The following TMEM116 variants were observed in gnomAD, a reference collection of about 807,000 sequenced individuals.
TMEM116 encodes transmembrane protein 116.
Under a neutral mutation model 44.3 loss-of-function variants are expected in TMEM116, and 38 were observed. The ratio of observed to expected loss-of-function variants is 0.86; its 90% CI spans 0.66 to 1.12. The LOEUF (loss-of-function observed/expected upper bound fraction) is 1.12, where lower values mean the gene tolerates loss of function less well. Among genes scored for constraint, TMEM116 ranks in the 50% most tolerant of loss-of-function variants. The pLI is 0.00. For synonymous variants in TMEM116, 132 were observed against 144.8 expected, an observed-to-expected ratio of 0.91 and a Z score of 0.64; for missense variants, 354 against 401.7, an observed-to-expected ratio of 0.88 and a Z score of 1.01.
chr12:111,940,498 C>CAT (rs1385809809), intron 5 of TMEM116, among the ~76,000 whole-genome samples: 1 of 118,896 alleles, frequency 8.4e-6, no homozygotes. Flanking sequence ...CACACACACA[C>CAT]ATATATATAC....
intron 4 of TMEM116, among the ~76,000 whole-genome samples, chr12:111,957,127 C>T (rs1335342536): frequency 2.7e-5 from 4 of 150,640 alleles, no homozygotes; most frequent in Non-Finnish European, 5.9e-5. Context: ...CCCGGCCGCC[C>T]AGTCTGGGAA....
intron 1 of TMEM116, among the ~76,000 whole-genome samples, chr12:112,008,195 A>C (rs1352606286): frequency 6.6e-6 from 1 of 152,168 alleles, no homozygotes; most frequent in Non-Finnish European, 1.5e-5. Context: ...TTAAAAAGAA[A>C]AAAAAGGCTG....
chr12:111,934,097 T>C (rs1346128708), intron 8 of TMEM116, 67 bp from the exon 9 acceptor site: 1 of 1,520,894 alleles, frequency 6.6e-7, no homozygotes, highest in Non-Finnish European at 8.9e-7. Flanking sequence ...TCTATCCTCC[T>C]ATCATTTTAA....
chr12:111,990,363 C>T (rs1309172120), intron 4 of TMEM116, among the ~76,000 whole-genome samples: 1 of 152,008 alleles, frequency 6.6e-6, no homozygotes, highest in Non-Finnish European at 1.5e-5. Flanking sequence ...AGATTAGGTA[C>T]TGGCGAAACA....
At chr12:111,996,263 A>G (rs575729774) in intron 3 of TMEM116, among the ~76,000 whole-genome samples, 12 of 152,236 alleles carry the variant, frequency 7.9e-5, no homozygotes, top group African/African-American at 2.9e-4. Flanking sequence ...CACCATAAAG[A>G]AAGTAAAAAG....
At chr12:111,991,289 G>A (rs1460440830) in intron 4 of TMEM116, among the ~76,000 whole-genome samples, 1 of 149,898 alleles carries the variant, frequency 6.7e-6, no homozygotes, top group Non-Finnish European at 1.5e-5. Context: ...TTGAGAGGCC[G>A]AGGCGGGTGG....
intron 4 of TMEM116, among the ~76,000 whole-genome samples, chr12:111,953,119 T>C (rs1258652129): frequency 1.3e-5 from 2 of 152,230 alleles, no homozygotes; most frequent in African/African-American, 2.4e-5. Context: ...CCCAACACTT[T>C]GTGATGATAA....
intron 5 of TMEM116, among the ~76,000 whole-genome samples, chr12:111,942,825 G>A (rs947657664): frequency 5.3e-5 from 8 of 151,924 alleles, no homozygotes; most frequent in Admixed American, 2.0e-4. Context: ...AGAGAGAGAA[G>A]GGAGAAGAGG....
At chr12:111,952,493 T>C (rs1162378717) in intron 4 of TMEM116, among the ~76,000 whole-genome samples, 1 of 152,206 alleles carries the variant, frequency 6.6e-6, no homozygotes, top group Non-Finnish European at 1.5e-5. Context: ...ATACTGAGTG[T>C]CAACTTGATT....
intron 3 of TMEM116, among the ~76,000 whole-genome samples, chr12:111,992,630 G>A (rs990683826): frequency 1.3e-5 from 2 of 152,100 alleles, no homozygotes; most frequent in Non-Finnish European, 2.9e-5. Context: ...TAAAGAAAAT[G>A]AAAACGTTTA....
chr12:111,993,837 G>T, intron 3 of TMEM116: 1 of 748,672 alleles, frequency 1.3e-6, no homozygotes, highest in South Asian at 1.3e-5. Context: ...ATGATTCTGT[G>T]GTATCTGTGT....
intron 6 of TMEM116, 62 bp from the exon 7 acceptor site, chr12:111,937,305 A>G (rs1318756178): frequency 4.7e-6 from 6 of 1,266,150 alleles, no homozygotes; most frequent in Non-Finnish European, 6.9e-6. Flanking sequence ...CCTCCTTTGA[A>G]GAATATTCTC....
At chr12:112,011,321 C>G (rs916790244) in intron 1 of TMEM116, 1 of 152,320 alleles carries the variant, frequency 6.6e-6, no homozygotes, top group South Asian at 2.1e-4. Context: ...TTCTTAACTT[C>G]CCCAGACACA....
chr12:111,982,238 A>G (rs1238168356), intron 4 of TMEM116, among the ~76,000 whole-genome samples: 1 of 152,194 alleles, frequency 6.6e-6, no homozygotes, highest in East Asian at 1.9e-4. Flanking sequence ...GTTGACTAGC[A>G]TGATTTAGCC....
At chr12:111,957,090 T>A (rs2074168917) in intron 4 of TMEM116, among the ~76,000 whole-genome samples, 1 of 144,910 alleles carries the variant, frequency 6.9e-6, no homozygotes, top group South Asian at 2.3e-4. Context: ...TGGCCACCCA[T>A]CGTCTGGGAT....
chr12:111,956,665 C>T (rs867041538), intron 4 of TMEM116, among the ~76,000 whole-genome samples: 10 of 152,272 alleles, frequency 6.6e-5, no homozygotes, highest in East Asian at 5.8e-4. Context: ...AGGTGCGCGC[C>T]GCCACACCTG....
intron 4 of TMEM116, among the ~76,000 whole-genome samples, chr12:111,987,737 T>A (rs1025425110): frequency 3.3e-5 from 5 of 152,224 alleles, no homozygotes; most frequent in Admixed American, 1.3e-4. Context: ...CACTGTGCAC[T>A]GTGCACTGCT....
intron 4 of TMEM116, among the ~76,000 whole-genome samples, chr12:111,974,618 G>T (rs1371616192): frequency 2.0e-5 from 3 of 147,148 alleles, no homozygotes; most frequent in African/African-American, 7.5e-5. Flanking sequence ...TCGCACCGCT[G>T]CACTCCAGCC....
chr12:111,994,276 A>T (rs1462505304), intron 3 of TMEM116, among the ~76,000 whole-genome samples: 1 of 152,128 alleles, frequency 6.6e-6, no homozygotes, highest in African/African-American at 2.4e-5. Context: ...AAGATAACCA[A>T]GACACTCTTG....
Sources: gnomAD v4.1 joint callset for allele counts (sites outside exome capture counted in the v4.1 genomes callset) on GRCh38, gnomAD v4.1.1 for gene constraint, MANE v1.5 for transcripts, NCBI Gene and HGNC (gene_info 2026-07-23, HGNC 2026-07-21) for gene names.